Variants in KHDC4 observed in about 807,000 individuals in gnomAD.
KHDC4 encodes KH homology domain-containing protein 4.
In KHDC4, 19 loss-of-function variants were observed where a neutral mutation model predicts 74.5. The ratio of observed to expected loss-of-function variants is 0.26; its 90% CI spans 0.18 to 0.37. The LOEUF is 0.37. Among genes scored for constraint, KHDC4 ranks in the 10% least tolerant of loss-of-function variants. The pLI is 1.00. For synonymous variants in KHDC4, 253 were observed against 266.1 expected (o/e 0.95, Z 0.48); for missense variants, 632 against 754.1 (o/e 0.84, Z 1.90).
In KHDC4 at chr1:155,927,832, CCACACACACACACA is replaced by C. The variant is rs199711249; in HGVS notation, c.465-690_465-677del. Among the ~76,000 whole-genome samples the C allele has an allele frequency of 3.7e-3, 341 of 90,938 alleles. 7 individuals carry two copies. The highest frequency in any genetic ancestry group is 0.015 in the African/African-American group (288 of 19,228). 59.7% of individuals were successfully genotyped at this position (90,938 alleles called of 152,430 possible). A position where few individuals can be genotyped will look rare whatever the true frequency, so the allele number is the denominator to read the frequency against. On this transcript the variant is annotated intron_variant, in intron 4 of 13. Coordinates refer to ENST00000368321, the MANE Select transcript of KHDC4 (RefSeq NM_014949.4). ...AAAAAAAAAAAAAAAAAAAAAAAAA[CCACACACACACACA>C]CACACACACACACACACACACACAC...
rs577627011 is a variant in KHDC4, at chr1:155,924,590, T to C, written c.894-903A>G. Among the ~76,000 whole-genome samples the C allele has an allele frequency of 2.7e-5, 4 of 145,752 alleles. No individual in the cohort carries two copies. In the South Asian group the frequency reaches 6.7e-4, roughly 24 times the overall value. ...ATAATTTCTCTTTTTTTTTTTTTTT[T>C]TGAGATGGAGTCTTGCTCTGTTGCC... On this transcript the variant is annotated intron_variant, in intron 7 of 13. Coordinates refer to ENST00000368321, the MANE Select transcript of KHDC4 (RefSeq NM_014949.4).
In KHDC4 at chr1:155,923,696, A is replaced by T; in HGVS notation, c.894-9T>A. On this transcript the variant is annotated splice_polypyrimidine_tract_variant and intron_variant, in intron 7 of 13. Transcript: ENST00000368321. ...CTTCTGGTTTGGGGTGACTGCAAAG[A>T]AATAACCAGGAATTCAAAGGAGAGA... 3.1e-6 allele frequency: 5 copies of T among 1,607,372 alleles called. No individual in the cohort carries two copies. Among genetic ancestry groups the T allele is most frequent in the South Asian group, 1.1e-5 (1 of 90,706 alleles).
At chr1:155,930,957 G>A (rs1413491302) in intron 2 of KHDC4, among the ~76,000 whole-genome samples, 1 of 152,090 alleles carries the variant, frequency 6.6e-6, no homozygotes. Flanking sequence ...GTTGCAATGA[G>A]CCGAGATCAC....
Position 155,933,855 on chromosome 1 carries a change from T to C in KHDC4, c.39-6A>G. 1 of 1,525,844 alleles carries C rather than the reference T, an allele frequency of 6.6e-7. No homozygotes were observed. The highest frequency in any genetic ancestry group is 2.4e-5 in the East Asian group (1 of 42,536). The allele number at this position is 1,525,844 out of a possible 1,614,324, so 94.5% of individuals were successfully genotyped here. A position where few individuals can be genotyped will look rare whatever the true frequency, so the allele number is the denominator to read the frequency against. On this transcript the variant is annotated splice_polypyrimidine_tract_variant and splice_region_variant and intron_variant, in intron 1 of 13. Coordinates refer to ENST00000368321, the MANE Select transcript of KHDC4 (RefSeq NM_014949.4). ...GGTCCCATTTGCTGCGGCGCCTACA[T>C]GGAGAAAAAGGAAAACATTAGGCCC... is the stretch of plus-strand genomic sequence containing the variant.
At chr1:155,927,492 T>C (rs1385272329) in intron 4 of KHDC4, among the ~76,000 whole-genome samples, 1 of 152,030 alleles carries the variant, frequency 6.6e-6, no homozygotes, top group African/African-American at 2.4e-5. Flanking sequence ...TATAAACAAA[T>C]GTGGTCTCGT....
At chr1:155,928,467 G>T (rs1379108119) in intron 4 of KHDC4, among the ~76,000 whole-genome samples, 1 of 151,960 alleles carries the variant, frequency 6.6e-6, no homozygotes, top group Non-Finnish European at 1.5e-5. Context: ...TGTTAAAAAT[G>T]TTGCATTCCC....
Position 155,925,803 on chromosome 1 carries a change from T to A in KHDC4, c.722A>T (p.His241Leu). 6.8e-6 allele frequency: 11 copies of A among 1,614,114 alleles called. No homozygotes were observed. Among genetic ancestry groups the A allele is most frequent in the Non-Finnish European group, 9.3e-6 (11 of 1,179,940 alleles). The part of the protein sequence containing the change: ...VQDKLFVGLE[H>L]AVPTFNVKEK... The stretch of plus-strand genomic sequence containing the variant: ...CTTGACATTAAAAGTGGGTACAGCA[T>A]GTTCTAGACCCACAAATAATTTATC... The change falls in exon 7 of 14, where the codon CAT (histidine) becomes CTT (leucine). Residue 241 changes from histidine (H) to leucine (L), a missense_variant. Transcript: ENST00000368321.
In KHDC4 at chr1:155,929,853, G is replaced by A. The variant is rs781065926; in HGVS notation, c.256-13C>T. Reference sequence around the variant, plus strand: ...CAGGAGCCTGAAGCTAGAAAAAAGAGAAATTAGATTAAAAAGTTTTTATGA... The same window carrying A: ...CAGGAGCCTGAAGCTAGAAAAAAGAAAAATTAGATTAAAAAGTTTTTATGA... On this transcript the variant is annotated splice_polypyrimidine_tract_variant and intron_variant, in intron 2 of 13. Coordinates refer to ENST00000368321, the MANE Select transcript of KHDC4 (RefSeq NM_014949.4). 3.9e-5 allele frequency: 61 copies of A among 1,544,328 alleles called. No homozygotes were observed. Among genetic ancestry groups the A allele is most frequent in the Non-Finnish European group, 5.0e-5 (57 of 1,151,208 alleles).
chr1:155,914,882 T>A (rs1456110534), intron 13 of KHDC4: 1 of 152,780 alleles, frequency 6.5e-6, no homozygotes, highest in African/African-American at 2.4e-5. Context: ...TCAGATGACC[T>A]CCTGGTATTC....
In KHDC4 at chr1:155,933,683, T is replaced by A; in HGVS notation, c.205A>T (p.Met69Leu). ...AAAVAAKINAMLMAKGKLKPT... is the reference protein window; with the variant it reads ...AAAVAAKINALLMAKGKLKPT... Reference sequence around the variant, plus strand: ...TTCAGCTTCCCTTTTGCCATGAGCATGGCATTAATCTTGGCAGCCACAGCA... The same window carrying A: ...TTCAGCTTCCCTTTTGCCATGAGCAAGGCATTAATCTTGGCAGCCACAGCA... Residue 69 changes from methionine (M) to leucine (L), a missense_variant, in exon 2 of 14, where the codon ATG becomes TTG. Met to Leu is a conservative substitution (Grantham distance 15, BLOSUM62 2). This residue lies in a region of KHDC4 where 233 missense variants were observed against 342.6 expected (regional missense o/e 0.68). Transcript: ENST00000368321. 6.2e-7 allele frequency: 1 copy of A among 1,612,710 alleles called. No individual in the cohort carries two copies. Among genetic ancestry groups the A allele is most frequent in the Non-Finnish European group, 8.5e-7 (1 of 1,178,872 alleles).
chr1:155,933,010 C>T (rs1316213946), intron 2 of KHDC4, among the ~76,000 whole-genome samples: 1 of 152,112 alleles, frequency 6.6e-6, no homozygotes, highest in Non-Finnish European at 1.5e-5. Flanking sequence ...ACTTGATTTA[C>T]CTGAACTCCT....
intron 11 of KHDC4, among the ~76,000 whole-genome samples, chr1:155,917,146 A>G (rs1673749152): frequency 6.6e-6 from 1 of 152,148 alleles, no homozygotes; most frequent in African/African-American, 2.4e-5. Flanking sequence ...TAACTTTACA[A>G]TTACATGTAC....
At chr1:155,926,325 CTTTTT>C (rs34342755) in intron 6 of KHDC4, 34 of 174,878 alleles carry the variant, frequency 1.9e-4, no homozygotes, top group South Asian at 5.3e-4. Flanking sequence ...TTACTTGGCA[CTTTTT>C]TTTTTTTTTT....
chr1:155,921,712 G>A, intron 9 of KHDC4, 84 bp from the exon 10 acceptor site: 1 of 1,517,224 alleles, frequency 6.6e-7, no homozygotes, highest in South Asian at 1.3e-5. Context: ...ATCTAGGGAA[G>A]AAAAATACTG....
At chr1:155,920,204 C>A (rs1168182938) in intron 10 of KHDC4, among the ~76,000 whole-genome samples, 1 of 152,114 alleles carries the variant, frequency 6.6e-6, no homozygotes, top group Non-Finnish European at 1.5e-5. Flanking sequence ...CTTGGGGAGG[C>A]AGAGGCAGTT....
intron 2 of KHDC4, among the ~76,000 whole-genome samples, chr1:155,930,046 G>T (rs1479925403): frequency 6.6e-6 from 1 of 152,156 alleles, no homozygotes; most frequent in Non-Finnish European, 1.5e-5. Flanking sequence ...CTGAGTAGCT[G>T]GGATTACAGG....
chr1:155,920,471 G>A (rs1254000996), intron 10 of KHDC4, among the ~76,000 whole-genome samples: 1 of 152,090 alleles, frequency 6.6e-6, no homozygotes, highest in African/African-American at 2.4e-5. Context: ...CATTTCTTAA[G>A]TTATAAAAGA....
At position 155,929,276 on chromosome 1, in the gene KHDC4, CAAGAT is replaced by C. The variant is rs1674093495; in HGVS notation, c.464+15_464+19del. On this transcript the variant is annotated intron_variant, in intron 4 of 13. Transcript: ENST00000368321. ...GTCATACACCCAACCCTTCCATAAA[CAAGAT>C]AAGAGAATACGCACCCTGGTCCCAC... The C allele has an allele frequency of 3.2e-6, 5 of 1,581,996 alleles. No homozygotes were observed. In the South Asian group the frequency reaches 5.5e-5, roughly 18 times the overall value.
chr1:155,927,191 T>C (rs1205250056), intron 4 of KHDC4, 35 bp from the exon 5 acceptor site: 9 of 1,573,852 alleles, frequency 5.7e-6, no homozygotes, highest in Non-Finnish European at 7.9e-6. Flanking sequence ...GATCTCAATG[T>C]GGTCAAAACC....
Sources: gnomAD v4.1 joint callset for allele counts (sites outside exome capture counted in the v4.1 genomes callset) on GRCh38, gnomAD v4.1.1 for gene constraint, gnomAD v4.1.1 regional missense constraint, MANE v1.5 for transcripts, NCBI Gene and HGNC (gene_info 2026-07-23, HGNC 2026-07-21) for gene names.